Variants in MRPL11 observed in about 807,000 individuals in gnomAD.
The protein encoded by MRPL11 is mitochondrial ribosomal protein L11.
MRPL11 carries 21 observed loss-of-function variants against 19.1 expected under a neutral mutation model. That is an observed-to-expected ratio of 1.10 (90% CI 0.78 to 1.58). The LOEUF (loss-of-function observed/expected upper bound fraction) is 1.58, where lower values mean the gene tolerates loss of function less well. MRPL11 is among the 40% of genes most tolerant of loss of function. The pLI, the probability that MRPL11 is intolerant of heterozygous loss-of-function variation, is 0.00. For synonymous variants in MRPL11, 108 were observed against 99.7 expected, an observed-to-expected ratio of 1.08 and a Z score of -0.49; for missense variants, 242 against 243.9, an observed-to-expected ratio of 0.99 and a Z score of 0.05.
In MRPL11 at chr11:66,435,744, T is replaced by C. The variant is rs1294685386; in HGVS notation, c.*263A>G. On this transcript the variant is annotated 3_prime_UTR_variant, in exon 5 of 5. Coordinates refer to ENST00000310999, the MANE Select transcript of MRPL11 (RefSeq NM_016050.5). ...CTCAGTTTGCACATCTGAGAAGCAG[T>C]ATGAAGACCCCAATTTCCTAATGTC... 5.4e-6 allele frequency: 2 copies of C among 373,528 alleles called. No individual in the cohort carries two copies. Among genetic ancestry groups the C allele is most frequent in the Non-Finnish European group, 9.9e-6 (2 of 202,264 alleles). 23.1% of individuals were successfully genotyped at this position (373,528 alleles called of 1,614,324 possible). A position where few individuals can be genotyped will look rare whatever the true frequency, so the allele number is the denominator to read the frequency against.
At chr11:66,436,862 T>C (rs751044396) in intron 4 of MRPL11, 6 of 1,614,064 alleles carry the variant, frequency 3.7e-6, no homozygotes, top group Non-Finnish European at 1.7e-6. Context: ...CCCACTTGGA[T>C]CCTTCATGGA....
In MRPL11 at chr11:66,435,883, T is replaced by G; in HGVS notation, c.*124A>C. 2 of 696,222 alleles carry G rather than the reference T, an allele frequency of 2.9e-6. No individual in the cohort carries two copies. The highest frequency in any genetic ancestry group is 5.1e-6 in the Non-Finnish European group (2 of 390,398). 43.1% of individuals were successfully genotyped at this position (696,222 alleles called of 1,614,324 possible). A position where few individuals can be genotyped will look rare whatever the true frequency, so the allele number is the denominator to read the frequency against. ...GGCCTGATGCCTCGATACAGCTAGA[T>G]GTACAAAAATATATCATTCAAAGTC... On this transcript the variant is annotated 3_prime_UTR_variant, in exon 5 of 5. Coordinates refer to ENST00000310999, the MANE Select transcript of MRPL11 (RefSeq NM_016050.5).
intron 4 of MRPL11, 78 bp from the exon 5 acceptor site, chr11:66,436,190 G>T: frequency 2.4e-6 from 3 of 1,250,510 alleles, no homozygotes; most frequent in Non-Finnish European, 2.3e-6. Context: ...GTCTTGCAGG[G>T]GCTTGAAGGG....
At chr11:66,436,720 G>A in intron 4 of MRPL11, 1 of 867,134 alleles carries the variant, frequency 1.2e-6, no homozygotes, top group Non-Finnish European at 1.9e-6. Flanking sequence ...GAAGCCCCAT[G>A]ACAGGGGTCC....
Position 66,437,407 on chromosome 11 carries a change from T to C in MRPL11, c.256A>G (p.Thr86Ala). ...GCTGCCTTCAGGAAGTAGGAAACAG[T>C]GGGCTGTCCAATCTTAATTTCAAAT... The part of the protein sequence containing the change: ...RTFEIKIGQP[T>A]VSYFLKAAAG... Residue 86 changes from threonine (T) to alanine (A), a missense_variant, in exon 3 of 5, where the codon ACT becomes GCT. Physicochemically the swap from Thr to Ala is moderately conservative, Grantham distance 58. Transcript: ENST00000310999. 1.2e-6 allele frequency: 2 copies of C among 1,614,068 alleles called. No homozygotes were observed. Among genetic ancestry groups the C allele is most frequent in the Non-Finnish European group, 1.7e-6 (2 of 1,179,988 alleles).
chr11:66,437,677 A>T (rs986171675), intron 2 of MRPL11, among the ~76,000 whole-genome samples: 2 of 152,214 alleles, frequency 1.3e-5, no homozygotes, highest in African/African-American at 4.8e-5. Flanking sequence ...GTTCAAGACC[A>T]GCCTGACCAA....
intron 4 of MRPL11, 59 bp from the exon 5 acceptor site, chr11:66,436,171 G>A: frequency 6.8e-7 from 1 of 1,460,010 alleles, no homozygotes; most frequent in South Asian, 1.2e-5. Context: ...GGAGCTCACA[G>A]GACCCTATGT....
intron 4 of MRPL11, among the ~76,000 whole-genome samples, 153 bp from the exon 5 acceptor site, chr11:66,436,265 C>T (rs1856967005): frequency 1.3e-5 from 2 of 152,164 alleles, no homozygotes; most frequent in Admixed American, 6.5e-5. Context: ...GCCTCCATAC[C>T]TTTGCTCATT....
At chr11:66,437,083 T>G (rs1447195718) in intron 4 of MRPL11, 21 bp downstream of exon 4, 2 of 1,559,064 alleles carry the variant, frequency 1.3e-6, no homozygotes, top group Non-Finnish European at 1.7e-6. Context: ...CTCGTCACAC[T>G]GCACATGCCA....
chr11:66,436,048 C>G lies in MRPL11; in HGVS notation c.538G>C (p.Glu180Gln), dbSNP rs778649780. ...ERAIFLAAQK[E>Q]ADLAAQEEAA... ...TCTTCTTGGGCAGCCAAATCTGCCTCCTTCTGAGCAGCCAGGAAGATGGCT... is the reference window on the plus strand; with the variant it reads ...TCTTCTTGGGCAGCCAAATCTGCCTGCTTCTGAGCAGCCAGGAAGATGGCT... Residue 180 changes from glutamate to glutamine, a missense_variant, in exon 5 of 5, where the codon GAG becomes CAG. Coordinates refer to ENST00000310999, the MANE Select transcript of MRPL11 (RefSeq NM_016050.5). 1 of 1,614,052 alleles carries G rather than the reference C, an allele frequency of 6.2e-7. No homozygotes were observed. The highest frequency in any genetic ancestry group is 8.5e-7 in the Non-Finnish European group (1 of 1,179,990).
intron 1 of MRPL11, among the ~76,000 whole-genome samples, 185 bp from the exon 2 acceptor site, chr11:66,438,444 T>C (rs563292668): frequency 9.2e-5 from 14 of 152,274 alleles, no homozygotes; most frequent in Non-Finnish European, 1.6e-4. Flanking sequence ...TTACAGCACA[T>C]TGAAGAAGGG....
chr11:66,437,851 G>A lies in MRPL11; in HGVS notation c.219+313C>T, dbSNP rs190181451. On this transcript the variant is annotated intron_variant, in intron 2 of 4. Transcript: ENST00000310999. ...ATCGTGCCACTGCACTCCAGCCTGGGCGACAAGAACAAAACTCCATCTCAG... is the reference window on the plus strand; with the variant it reads ...ATCGTGCCACTGCACTCCAGCCTGGACGACAAGAACAAAACTCCATCTCAG... Among the ~76,000 whole-genome samples, 8 of 152,242 alleles carry A rather than the reference G, an allele frequency of 5.3e-5. No homozygotes were observed. In the East Asian group the frequency reaches 1.3e-3, roughly 26 times the overall value.
chr11:66,437,387 C>G lies in MRPL11; in HGVS notation c.276G>C (p.Lys92Asn), dbSNP rs1345775466. 6.2e-7 allele frequency: 1 copy of G among 1,614,196 alleles called. No individual in the cohort carries two copies. The highest frequency in any genetic ancestry group is 8.5e-7 in the Non-Finnish European group (1 of 1,180,030). The stretch of plus-strand genomic sequence containing the variant: ...CCCCCTTTTCAATCCCAGCTGCTGC[C>G]TTCAGGAAGTAGGAAACAGTGGGCT... ...IGQPTVSYFL[K>N]AAAGIEKGAR... Residue 92 changes from lysine (K) to asparagine (N), a missense_variant, in exon 3 of 5, where the codon AAG becomes AAC. By Grantham distance (94) the Lys-to-Asn change is moderately conservative. Transcript: ENST00000310999.
At chr11:66,436,178 A>G (rs1291303128) in intron 4 of MRPL11, 66 bp from the exon 5 acceptor site, 5 of 1,420,634 alleles carry the variant, frequency 3.5e-6, no homozygotes, top group Admixed American at 1.8e-5. Flanking sequence ...ACAGGACCCT[A>G]TGTCTTGCAG....
chr11:66,436,032 G>T lies in MRPL11; in HGVS notation c.554C>A (p.Ala185Asp), dbSNP rs1856960394. Residue 185 changes from alanine (A) to aspartate (D), a missense_variant, in exon 5 of 5, where the codon GCC becomes GAC. Transcript: ENST00000310999. Reference sequence around the variant, plus strand: ...TCACTTCTTGGCAGCTTCTTCTTGGGCAGCCAAATCTGCCTCCTTCTGAGC... The same window carrying T: ...TCACTTCTTGGCAGCTTCTTCTTGGTCAGCCAAATCTGCCTCCTTCTGAGC... The part of the protein sequence containing the change: ...LAAQKEADLA[A>D]QEEAAKK 1 of 1,613,634 alleles carries T rather than the reference G, an allele frequency of 6.2e-7. No individual in the cohort carries two copies. Among genetic ancestry groups the T allele is most frequent in the South Asian group, 1.1e-5 (1 of 90,938 alleles).
chr11:66,437,930 C>G (rs1230624248), intron 2 of MRPL11, among the ~76,000 whole-genome samples: 1 of 152,152 alleles, frequency 6.6e-6, no homozygotes, highest in African/African-American at 2.4e-5. Context: ...CCCCTCTATT[C>G]CTGCCCTCAT....
At position 66,435,783 on chromosome 11, in the gene MRPL11, T is replaced by C; in HGVS notation, c.*224A>G. On this transcript the variant is annotated 3_prime_UTR_variant, in exon 5 of 5. Coordinates refer to ENST00000310999, the MANE Select transcript of MRPL11 (RefSeq NM_016050.5). ...TTTCCTAATGTCTGCCCATATTGGC[T>C]ACCACCAGTACTGGTTCCCTTCCCT... 1 of 475,896 alleles carries C rather than the reference T, an allele frequency of 2.1e-6. No individual in the cohort carries two copies. Among genetic ancestry groups the C allele is most frequent in the Non-Finnish European group, 3.8e-6 (1 of 261,484 alleles). 29.5% of individuals were successfully genotyped at this position (475,896 alleles called of 1,614,324 possible). A position where few individuals can be genotyped will look rare whatever the true frequency, so the allele number is the denominator to read the frequency against.
chr11:66,436,907 C>T (rs527261673), intron 4 of MRPL11, 197 bp downstream of exon 4: 77 of 1,613,468 alleles, frequency 4.8e-5, no homozygotes, highest in African/African-American at 4.1e-4. Context: ...TGCAGAACAA[C>T]GTCTAATACA....
At position 66,435,759 on chromosome 11, in the gene MRPL11, T is replaced by C. The variant is rs1003911165; in HGVS notation, c.*248A>G. ...TGAGAAGCAGTATGAAGACCCCAATTTCCTAATGTCTGCCCATATTGGCTA... is the reference window on the plus strand; with the variant it reads ...TGAGAAGCAGTATGAAGACCCCAATCTCCTAATGTCTGCCCATATTGGCTA... On this transcript the variant is annotated 3_prime_UTR_variant, in exon 5 of 5. Coordinates refer to ENST00000310999, the MANE Select transcript of MRPL11 (RefSeq NM_016050.5). 2 of 404,066 alleles carry C rather than the reference T, an allele frequency of 4.9e-6. No individual in the cohort carries two copies. Among genetic ancestry groups the C allele is most frequent in the African/African-American group, 4.0e-5 (2 of 49,842 alleles). 25.0% of individuals were successfully genotyped at this position (404,066 alleles called of 1,614,324 possible). A position where few individuals can be genotyped will look rare whatever the true frequency, so the allele number is the denominator to read the frequency against.
Sources: gnomAD v4.1 joint callset for allele counts (sites outside exome capture counted in the v4.1 genomes callset) on GRCh38, gnomAD v4.1.1 for gene constraint, MANE v1.5 for transcripts, NCBI Gene and HGNC (gene_info 2026-07-23, HGNC 2026-07-21) for gene names.